Variants in DLG2 observed in about 807,000 individuals in gnomAD.
The protein encoded by DLG2 is disks large homolog 2.
DLG2 carries 45 observed loss-of-function variants against 132.5 expected under a neutral mutation model. The ratio of observed to expected loss-of-function variants is 0.34; its 90% CI spans 0.27 to 0.44. The LOEUF (loss-of-function observed/expected upper bound fraction) is 0.44. Among genes scored for constraint, DLG2 ranks in the 20% least tolerant of loss-of-function variants. DLG2 has a pLI of 1.00. For synonymous variants in DLG2, 424 were observed against 419.6 expected (o/e 1.01, Z -0.13); for missense variants, 1,045 against 1,196.9 (o/e 0.87, Z 1.87).
intron 6 of DLG2, among the ~76,000 whole-genome samples, chr11:84,993,589 A>G (rs1314290544): frequency 6.6e-6 from 1 of 152,150 alleles, no homozygotes; most frequent in Admixed American, 6.6e-5. Flanking sequence ...TGGGTACTTT[A>G]CTGCCTCGCC....
At chr11:85,339,423 C>A (rs190305476) in intron 3 of DLG2, among the ~76,000 whole-genome samples, 182 of 152,192 alleles carry the variant, frequency 1.2e-3, no homozygotes, top group African/African-American at 4.2e-3. Flanking sequence ...TAATTTTTTA[C>A]TAGGTATTGT....
At chr11:83,489,528 C>T (rs1213932667) in intron 21 of DLG2, among the ~76,000 whole-genome samples, 1 of 151,908 alleles carries the variant, frequency 6.6e-6, no homozygotes, top group Non-Finnish European at 1.5e-5. Context: ...ATCTGTGATA[C>T]TTATGAGCCA....
chr11:83,509,487 T>G (rs577524041), intron 21 of DLG2, among the ~76,000 whole-genome samples: 2 of 152,284 alleles, frequency 1.3e-5, no homozygotes, highest in South Asian at 4.2e-4. Context: ...ACGTGCCTAC[T>G]TCAGAAGACA....
At chr11:84,542,374 A>T (rs1191367504) in intron 6 of DLG2, among the ~76,000 whole-genome samples, 1 of 152,218 alleles carries the variant, frequency 6.6e-6, no homozygotes, top group East Asian at 1.9e-4. Flanking sequence ...GCCTGACATT[A>T]AAAAACTTGT....
chr11:83,640,625 G>T (rs2066222812), intron 18 of DLG2, among the ~76,000 whole-genome samples: 1 of 152,162 alleles, frequency 6.6e-6, no homozygotes, highest in Admixed American at 6.5e-5. Context: ...CCACTGAACA[G>T]ATTTTTTTCC....
intron 7 of DLG2, among the ~76,000 whole-genome samples, chr11:84,287,739 TAG>T (rs1432411630): frequency 1.6e-5 from 1 of 62,528 alleles, no homozygotes; most frequent in Admixed American, 2.0e-4. Flanking sequence ...TTCTCTCTCT[TAG>T]ACACACACAC....
chr11:84,569,535 AAAT>A (rs2099472092), intron 6 of DLG2, among the ~76,000 whole-genome samples: 1 of 152,154 alleles, frequency 6.6e-6, no homozygotes, highest in Non-Finnish European at 1.5e-5. Context: ...AAAAAAAATA[AAAT>A]AATAAAAAAG....
intron 18 of DLG2, among the ~76,000 whole-genome samples, chr11:83,721,680 C>G (rs1423901367): frequency 6.6e-6 from 1 of 152,290 alleles, no homozygotes; most frequent in African/African-American, 2.4e-5. Context: ...AGTTATAATG[C>G]TGTAAGTGAA....
At chr11:85,346,683 C>T (rs924397827) in intron 3 of DLG2, among the ~76,000 whole-genome samples, 4 of 152,034 alleles carry the variant, frequency 2.6e-5, no homozygotes, top group African/African-American at 9.7e-5. Flanking sequence ...AGAATGCAGC[C>T]CAGCAAGTCC....
intron 6 of DLG2, among the ~76,000 whole-genome samples, chr11:84,591,535 C>A (rs1434327228): frequency 6.6e-6 from 1 of 151,758 alleles, no homozygotes; most frequent in Non-Finnish European, 1.5e-5. Context: ...ATGGCAAATG[C>A]CTGTAATCTC....
intron 11 of DLG2, among the ~76,000 whole-genome samples, chr11:84,021,687 C>T (rs1026375634): frequency 2.6e-5 from 4 of 152,006 alleles, no homozygotes; most frequent in Admixed American, 6.6e-5. Context: ...AAATAAGTTA[C>T]ATATTAGCGA....
At chr11:85,028,816 C>T (rs1333475984) in intron 6 of DLG2, among the ~76,000 whole-genome samples, 3 of 152,036 alleles carry the variant, frequency 2.0e-5, no homozygotes, top group Non-Finnish European at 4.4e-5. Context: ...ACAGTTGCAC[C>T]CAGGAGGGGG....
chr11:84,884,738 T>C (rs1253541855), intron 6 of DLG2, among the ~76,000 whole-genome samples: 2 of 152,200 alleles, frequency 1.3e-5, no homozygotes, highest in Admixed American at 6.5e-5. Flanking sequence ...GATACAGTAT[T>C]GCCTTCTTAT....
chr11:83,615,037 G>C (rs757776283), intron 19 of DLG2, among the ~76,000 whole-genome samples: 4 of 152,190 alleles, frequency 2.6e-5, no homozygotes, highest in African/African-American at 4.8e-5. Flanking sequence ...ATTTCTAAAA[G>C]CAGTGTTTCC....
intron 6 of DLG2, among the ~76,000 whole-genome samples, chr11:84,633,346 C>A (rs990622314): frequency 1.1e-4 from 17 of 152,104 alleles, no homozygotes; most frequent in Non-Finnish European, 2.9e-5. Context: ...ATTACCATGA[C>A]TTCTCTGTGC....
intron 14 of DLG2, among the ~76,000 whole-genome samples, chr11:83,950,667 C>T (rs1373273300): frequency 6.6e-6 from 1 of 152,164 alleles, no homozygotes; most frequent in Non-Finnish European, 1.5e-5. Flanking sequence ...GCTTAAGTAT[C>T]CTTGCATGTA....
At chr11:84,007,262 T>G (rs2094615096) in intron 11 of DLG2, among the ~76,000 whole-genome samples, 1 of 151,694 alleles carries the variant, frequency 6.6e-6, no homozygotes, top group South Asian at 2.1e-4. Flanking sequence ...TTTCCAGTAT[T>G]TATTGTATGG....
At chr11:84,110,762 A>G (rs1595480387) in intron 9 of DLG2, among the ~76,000 whole-genome samples, 1 of 152,212 alleles carries the variant, frequency 6.6e-6, no homozygotes, top group Admixed American at 6.5e-5. Flanking sequence ...AGAGCTTAGC[A>G]GCTGGGTTCC....
chr11:84,775,571 T>A (rs2070309992), intron 6 of DLG2, among the ~76,000 whole-genome samples: 1 of 152,244 alleles, frequency 6.6e-6, no homozygotes, highest in African/African-American at 2.4e-5. Flanking sequence ...ATATACACCA[T>A]GAAATACCAG....
Sources: allele counts gnomAD v4.1 joint callset (sites outside exome capture counted in the v4.1 genomes callset), GRCh38; gene constraint gnomAD v4.1.1; transcripts MANE v1.5; gene names NCBI Gene and HGNC (gene_info 2026-07-23, HGNC 2026-07-21).